FERMT2: variants seen among roughly 807,000 people sequenced by gnomAD.
The protein encoded by FERMT2 is FERM domain containing kindlin 2.
Under a neutral mutation model 82.7 loss-of-function variants are expected in FERMT2, and 15 were observed. The ratio of observed to expected loss-of-function variants is 0.18; its 90% CI spans 0.12 to 0.28. The LOEUF (loss-of-function observed/expected upper bound fraction) is 0.28, where lower values mean the gene tolerates loss of function less well. Ranked by LOEUF, FERMT2 falls within the 10% of genes least tolerant of loss-of-function variation. The pLI is 1.00. For synonymous variants in FERMT2, 274 were observed against 271.5 expected, an observed-to-expected ratio of 1.01 and a Z score of -0.09; for missense variants, 645 against 809.4, an observed-to-expected ratio of 0.80 and a Z score of 2.46.
intron 3 of FERMT2, among the ~76,000 whole-genome samples, chr14:52,918,608 G>C (rs1339264633): frequency 6.6e-6 from 1 of 152,184 alleles, no homozygotes; most frequent in Non-Finnish European, 1.5e-5. Context: ...AATACTTCCT[G>C]TCATATGACA....
chr14:52,874,762 T>C (rs987722770), intron 8 of FERMT2, among the ~76,000 whole-genome samples: 18 of 152,342 alleles, frequency 1.2e-4, no homozygotes, highest in Admixed American at 6.5e-4. Flanking sequence ...GATCTATTCT[T>C]ACTGTATTGA....
At chr14:52,897,031 CA>C (rs1887314359) in intron 3 of FERMT2, among the ~76,000 whole-genome samples, 1 of 149,674 alleles carries the variant, frequency 6.7e-6, no homozygotes, top group Non-Finnish European at 1.5e-5. Context: ...CACACACACA[CA>C]CACACACACA....
chr14:52,887,663 T>TA (rs987931655), intron 4 of FERMT2, among the ~76,000 whole-genome samples: 22 of 147,244 alleles, frequency 1.5e-4, no homozygotes, highest in African/African-American at 2.2e-4. Flanking sequence ...CCCTGTCTCT[T>TA]AAAAAAAAAA....
chr14:52,906,895 G>C (rs572462366), intron 3 of FERMT2, among the ~76,000 whole-genome samples: 1 of 115,374 alleles, frequency 8.7e-6, no homozygotes, highest in African/African-American at 3.3e-5. Flanking sequence ...AACAATAACA[G>C]ACTTCTCTGA....
intron 2 of FERMT2, among the ~76,000 whole-genome samples, chr14:52,933,225 TTCCA>T (rs1332680673): frequency 6.6e-6 from 1 of 152,200 alleles, no homozygotes; most frequent in African/African-American, 2.4e-5. Context: ...CAGCTTTTCT[TTCCA>T]TCCAAGTATT....
intron 10 of FERMT2, among the ~76,000 whole-genome samples, chr14:52,867,574 T>C (rs1483487732): frequency 6.6e-6 from 1 of 152,140 alleles, no homozygotes; most frequent in Non-Finnish European, 1.5e-5. Flanking sequence ...TCTTCTCACA[T>C]TACAGACAAC....
At chr14:52,885,100 G>A (rs552394893) in intron 4 of FERMT2, among the ~76,000 whole-genome samples, 1 of 151,952 alleles carries the variant, frequency 6.6e-6, no homozygotes, top group Non-Finnish European at 1.5e-5. Flanking sequence ...ATCACCTGAG[G>A]TTAGGAGTTT....
intron 2 of FERMT2, among the ~76,000 whole-genome samples, chr14:52,940,014 T>A (rs918168677): frequency 6.6e-6 from 1 of 152,220 alleles, no homozygotes; most frequent in Non-Finnish European, 1.5e-5. Context: ...ACTGATGCTT[T>A]GAAATTATAA....
Position 52,878,705 on chromosome 14 carries a change from T to C in FERMT2, c.856-16A>G, listed in dbSNP as rs375468077. 17 of 1,374,200 alleles carry C rather than the reference T, an allele frequency of 1.2e-5. No individual in the cohort carries two copies. Among genetic ancestry groups the C allele is most frequent in the Admixed American group, 8.2e-5 (4 of 48,808 alleles). 85.1% of individuals were successfully genotyped at this position (1,374,200 alleles called of 1,614,324 possible). On this transcript the variant is annotated splice_polypyrimidine_tract_variant and intron_variant, in intron 6 of 14. Transcript: ENST00000341590. ...TTGCATCATACTGCAACAAGAGAAA[T>C]AGTTCTTTTGTAATATATAACCTTT...
At chr14:52,874,970 C>T (rs1330596740) in intron 8 of FERMT2, among the ~76,000 whole-genome samples, 1 of 152,124 alleles carries the variant, frequency 6.6e-6, no homozygotes, top group Non-Finnish European at 1.5e-5. Context: ...TAGGAAATGG[C>T]TTGAGCCCTG....
chr14:52,870,626 G>A (rs1344927817), intron 10 of FERMT2, among the ~76,000 whole-genome samples: 1 of 152,168 alleles, frequency 6.6e-6, no homozygotes, highest in Non-Finnish European at 1.5e-5. Flanking sequence ...ACAGTATTCA[G>A]TACAGTAAAA....
At chr14:52,897,976 C>CAAAAAAAAA (rs71125145) in intron 3 of FERMT2, among the ~76,000 whole-genome samples, 1 of 93,488 alleles carries the variant, frequency 1.1e-5, no homozygotes, top group African/African-American at 4.8e-5. Flanking sequence ...AACTCCGTCT[C>CAAAAAAAAA]AAAAAAAAAA....
chr14:52,932,099 C>T (rs910031659), intron 2 of FERMT2, among the ~76,000 whole-genome samples: 3 of 152,086 alleles, frequency 2.0e-5, no homozygotes, highest in Non-Finnish European at 2.9e-5. Context: ...GATGAGAAAA[C>T]GGGGGGTGGA....
intron 2 of FERMT2, among the ~76,000 whole-genome samples, chr14:52,938,063 G>A (rs778456825): frequency 2.0e-4 from 31 of 152,160 alleles, no homozygotes; most frequent in Admixed American, 1.0e-3. Flanking sequence ...ACTAAGTTGC[G>A]AAGATGTTAA....
At chr14:52,859,460 C>T in intron 14 of FERMT2, 113 bp downstream of exon 14, 1 of 1,034,164 alleles carries the variant, frequency 9.7e-7, no homozygotes, top group Non-Finnish European at 1.3e-6. Context: ...TCTGTCTGTA[C>T]TTTAAGAGGT....
rs551671992 is a variant in FERMT2 at position 52,858,897 on chromosome 14, C to T, written c.1870-347G>A. ...AGCCTACTTCCTGTGTTTTAACGTT[C>T]GCTTCAGATACTTAAATTTTAGGTA... On this transcript the variant is annotated intron_variant, in intron 14 of 14. Coordinates refer to ENST00000341590, the MANE Select transcript of FERMT2 (RefSeq NM_006832.3). 15 of 185,588 alleles carry T rather than the reference C, an allele frequency of 8.1e-5. 1 individual carries two copies. In the South Asian group the frequency reaches 2.3e-3, roughly 29 times the overall value. 11.5% of individuals were successfully genotyped at this position (185,588 alleles called of 1,614,324 possible).
chr14:52,859,739 T>G, intron 13 of FERMT2, 25 bp from the exon 14 acceptor site: 2 of 1,451,962 alleles, frequency 1.4e-6, no homozygotes, highest in Non-Finnish European at 9.4e-7. Context: ...AAAAGAACGG[T>G]TAAAAACATG....
At chr14:52,862,064 G>A (rs1324356520) in intron 12 of FERMT2, 1 of 152,076 alleles carries the variant, frequency 6.6e-6, no homozygotes, top group African/African-American at 2.4e-5. Context: ...CTATTCTCTG[G>A]AAACAATTTT....
At chr14:52,932,346 G>A (rs1889629690) in intron 2 of FERMT2, among the ~76,000 whole-genome samples, 1 of 152,168 alleles carries the variant, frequency 6.6e-6, no homozygotes, top group African/African-American at 2.4e-5. Context: ...TGATTATCCT[G>A]CACATCTCTT....
Sources: gnomAD v4.1 joint callset for allele counts (sites outside exome capture counted in the v4.1 genomes callset) on GRCh38, gnomAD v4.1.1 for gene constraint, MANE v1.5 for transcripts, NCBI Gene and HGNC (gene_info 2026-07-23, HGNC 2026-07-21) for gene names.